Variants in AGBL4 observed in about 807,000 individuals in gnomAD.
The protein encoded by AGBL4 is AGBL carboxypeptidase 4.
A neutral mutation model predicts 66.4 loss-of-function variants in AGBL4; 58 were observed. That is an observed-to-expected ratio of 0.87 (90% CI 0.71 to 1.09). The LOEUF (loss-of-function observed/expected upper bound fraction) is 1.09, where lower values mean the gene tolerates loss of function less well. AGBL4 is among the 50% of genes least tolerant of loss of function. The pLI is 0.00. For synonymous variants in AGBL4, 234 were observed against 222.9 expected (o/e 1.05, Z -0.44); for missense variants, 579 against 631.0 (o/e 0.92, Z 0.88).
chr1:48,578,367 C>G (rs769976075), intron 11 of AGBL4, among the ~76,000 whole-genome samples: 2 of 152,172 alleles, frequency 1.3e-5, no homozygotes, highest in African/African-American at 2.4e-5. Flanking sequence ...AGATCAAACT[C>G]TAGCCCATGT....
chr1:49,010,038 G>T (rs958627575), intron 5 of AGBL4, among the ~76,000 whole-genome samples: 3 of 152,112 alleles, frequency 2.0e-5, no homozygotes, highest in African/African-American at 7.2e-5. Flanking sequence ...GGGCAATTAG[G>T]CAGGAGAAGG....
chr1:48,566,681 G>A (rs563412768), intron 11 of AGBL4, among the ~76,000 whole-genome samples: 1 of 152,354 alleles, frequency 6.6e-6, no homozygotes, highest in African/African-American at 2.4e-5. Context: ...TAATGTGGGT[G>A]GGCCTCATTC....
rs562842040 is a variant in AGBL4, at chr1:49,999,458, G to A, written c.34+24305C>T. On this transcript the variant is annotated intron_variant, in intron 1 of 13. Coordinates refer to ENST00000371839, the MANE Select transcript of AGBL4 (RefSeq NM_032785.4). ...AGACAACACAAATGAAATACATCCC[G>A]TGCTCATGGATGCATAGAATCAATA... Among the ~76,000 whole-genome samples the A allele has an allele frequency of 3.9e-5, 6 of 151,942 alleles. No homozygotes were observed. The South Asian group carries it at 6.2e-4, about 16-fold the overall frequency.
At chr1:49,281,117 G>A (rs1392393640) in intron 3 of AGBL4, among the ~76,000 whole-genome samples, 1 of 152,098 alleles carries the variant, frequency 6.6e-6, no homozygotes, top group Non-Finnish European at 1.5e-5. Context: ...TCATTTTACA[G>A]ATTTGGGAAC....
intron 11 of AGBL4, among the ~76,000 whole-genome samples, chr1:48,561,675 G>C (rs773882299): frequency 3.9e-5 from 6 of 152,196 alleles, no homozygotes; most frequent in Non-Finnish European, 8.8e-5. Flanking sequence ...AATAAACAAA[G>C]AGGCTGAGAG....
chr1:48,758,742 G>A (rs1276528593), intron 6 of AGBL4, among the ~76,000 whole-genome samples: 1 of 152,180 alleles, frequency 6.6e-6, no homozygotes, highest in Non-Finnish European at 1.5e-5. Context: ...ACTATGAGTG[G>A]GGAGTGACTC....
chr1:48,810,989 C>T (rs80331474), intron 6 of AGBL4, among the ~76,000 whole-genome samples: 1 of 152,320 alleles, frequency 6.6e-6, no homozygotes, highest in East Asian at 1.9e-4. Flanking sequence ...ATGCTTGTAA[C>T]TGATCCTGCG....
intron 4 of AGBL4, among the ~76,000 whole-genome samples, chr1:49,123,975 C>T (rs1178565762): frequency 1.3e-5 from 2 of 152,104 alleles, no homozygotes; most frequent in Non-Finnish European, 2.9e-5. Flanking sequence ...CTTCAAGGTA[C>T]TGATAGAAGA....
At chr1:49,358,009 A>G (rs1044870752) in intron 3 of AGBL4, among the ~76,000 whole-genome samples, 1 of 152,134 alleles carries the variant, frequency 6.6e-6, no homozygotes, top group Non-Finnish European at 1.5e-5. Flanking sequence ...CCACTCCACC[A>G]CAATTAGTAC....
At chr1:49,015,485 C>T (rs1662747283) in intron 5 of AGBL4, among the ~76,000 whole-genome samples, 1 of 147,516 alleles carries the variant, frequency 6.8e-6, no homozygotes, top group South Asian at 2.2e-4. Context: ...TGCAGTGGCG[C>T]GATCTCCGTT....
chr1:49,213,521 G>A (rs911919609), intron 4 of AGBL4, among the ~76,000 whole-genome samples: 6 of 151,800 alleles, frequency 4.0e-5, no homozygotes, highest in Non-Finnish European at 7.4e-5. Context: ...TCCTATTTCC[G>A]CCATGTGAGA....
At chr1:49,111,993 A>C (rs1166115055) in intron 4 of AGBL4, among the ~76,000 whole-genome samples, 1 of 152,208 alleles carries the variant, frequency 6.6e-6, no homozygotes, top group East Asian at 1.9e-4. Context: ...AATTAAATTG[A>C]GATGCATTCT....
At chr1:49,847,414 CTTAA>C (rs1330697339) in intron 2 of AGBL4, among the ~76,000 whole-genome samples, 2 of 152,132 alleles carry the variant, frequency 1.3e-5, no homozygotes, top group Non-Finnish European at 2.9e-5. Flanking sequence ...ATCTATGGGA[CTTAA>C]TTAAACTAAA....
chr1:49,835,617 A>C (rs1340946059), intron 2 of AGBL4, among the ~76,000 whole-genome samples: 1 of 152,176 alleles, frequency 6.6e-6, no homozygotes, highest in Non-Finnish European at 1.5e-5. Flanking sequence ...TGTCATTATG[A>C]TGCTACCTGG....
At chr1:49,774,560 T>A (rs1173958881) in intron 2 of AGBL4, among the ~76,000 whole-genome samples, 1 of 152,236 alleles carries the variant, frequency 6.6e-6, no homozygotes, top group African/African-American at 2.4e-5. Flanking sequence ...AAAATCTTTA[T>A]CTTTAAAAAT....
chr1:49,875,271 G>C (rs1035984341), intron 1 of AGBL4, among the ~76,000 whole-genome samples: 3 of 143,338 alleles, frequency 2.1e-5, no homozygotes, highest in South Asian at 2.3e-4. Context: ...TCGTCATCTA[G>C]CATTAGGTAT....
chr1:49,499,043 G>T (rs899911718), intron 3 of AGBL4, among the ~76,000 whole-genome samples: 1 of 151,938 alleles, frequency 6.6e-6, no homozygotes, highest in African/African-American at 2.4e-5. Flanking sequence ...TCCTTGTATG[G>T]CTTTGGTTTC....
At chr1:49,181,476 C>T (rs1646929878) in intron 4 of AGBL4, among the ~76,000 whole-genome samples, 1 of 152,196 alleles carries the variant, frequency 6.6e-6, no homozygotes, top group African/African-American at 2.4e-5. Context: ...AGCTCTACTA[C>T]CTCCTGGCTG....
In AGBL4 at chr1:49,638,968, G is replaced by A. The variant is rs370132653; in HGVS notation, c.282+58345C>T. The stretch of plus-strand genomic sequence containing the variant: ...TAGCTAAGACCTGGAGTGTAAGGTC[G>A]AGTAAGTTCTATGACTCTTGTTAAG... On this transcript the variant is annotated intron_variant, in intron 3 of 13. Transcript: ENST00000371839. Among the ~76,000 whole-genome samples the A allele has an allele frequency of 6.6e-5, 10 of 152,226 alleles. 1 individual carries two copies. The South Asian group carries it at 2.1e-3, about 32-fold the overall frequency.
Sources: allele counts gnomAD v4.1 joint callset (sites outside exome capture counted in the v4.1 genomes callset), GRCh38; gene constraint gnomAD v4.1.1; transcripts MANE v1.5; gene names NCBI Gene and HGNC (gene_info 2026-07-23, HGNC 2026-07-21).